Variants in SYNPR observed in about 807,000 individuals in gnomAD.
SYNPR encodes the protein synaptoporin.
A neutral mutation model predicts 32.9 loss-of-function variants in SYNPR; 23 were observed. That is an observed-to-expected ratio of 0.70 (90% confidence interval 0.50 to 0.99). The LOEUF is 0.99. Among genes scored for constraint, SYNPR ranks in the 50% least tolerant of loss-of-function variants. The probability of loss-of-function intolerance (pLI) is 0.00; values close to 1 mark genes in which losing one functional copy is unlikely to be tolerated. For missense variants in SYNPR, 318 were observed against 349.3 expected (o/e 0.91, Z 0.71); for synonymous variants, 146 against 135.9 (o/e 1.07, Z -0.52).
chr3:63,365,692 G>T (rs2087720892), intron 2 of SYNPR, among the ~76,000 whole-genome samples: 2 of 152,158 alleles, frequency 1.3e-5, no homozygotes, highest in African/African-American at 2.4e-5. Context: ...TTGAGGAAAA[G>T]AATGTTATCC....
chr3:63,579,921 G>C (rs75076044), intron 4 of SYNPR, among the ~76,000 whole-genome samples: 4 of 151,034 alleles, frequency 2.6e-5, no homozygotes, highest in African/African-American at 9.8e-5. Context: ...GGGGCAAAAT[G>C]GGGGGAGGAC....
chr3:63,492,638 G>A (rs928224105), intron 3 of SYNPR, among the ~76,000 whole-genome samples: 2 of 152,122 alleles, frequency 1.3e-5, no homozygotes, highest in Non-Finnish European at 2.9e-5. Context: ...AGCTCCCATA[G>A]GGAAGTGACA....
intron 3 of SYNPR, among the ~76,000 whole-genome samples, chr3:63,512,889 T>A (rs1701724210): frequency 6.6e-6 from 1 of 152,164 alleles, no homozygotes; most frequent in Non-Finnish European, 1.5e-5. Context: ...AGGCAAAGAA[T>A]TGTTCTCTTG....
intron 3 of SYNPR, among the ~76,000 whole-genome samples, chr3:63,270,965 CCTT>C (rs1481665063): frequency 0.011 from 251 of 23,346 alleles, 4 homozygotes; most frequent in Middle Eastern, 0.1. Context: ...TTCCTTCCTT[CCTT>C]CTTTTCTTCC....
intron 2 of SYNPR, among the ~76,000 whole-genome samples, chr3:63,387,147 G>A (rs2088056704): frequency 1.3e-5 from 2 of 152,280 alleles, no homozygotes; most frequent in African/African-American, 4.8e-5. Context: ...GATCTAGCTT[G>A]ATCGCCACAA....
the SYNPR span, among the ~76,000 whole-genome samples, chr3:63,211,683 G>C: frequency 2.0e-5 from 3 of 149,476 alleles, no homozygotes; most frequent in Admixed American, 6.8e-5. Context: ...GAGAAATCAG[G>C]TTTTAAGAAG....
At chr3:63,305,882 G>C (rs1261439073) in intron 2 of SYNPR, among the ~76,000 whole-genome samples, 1 of 151,874 alleles carries the variant, frequency 6.6e-6, no homozygotes, top group Non-Finnish European at 1.5e-5. Context: ...AAATCCCTCA[G>C]TCCTGGAAAA....
intron 2 of SYNPR, among the ~76,000 whole-genome samples, chr3:63,327,152 G>A (rs890089602): frequency 1.3e-5 from 2 of 152,062 alleles, no homozygotes. Context: ...TGAAGGAAGT[G>A]TAAAGTAGAA....
chr3:63,466,373 G>A (rs1407993538), intron 2 of SYNPR, among the ~76,000 whole-genome samples: 1 of 151,826 alleles, frequency 6.6e-6, no homozygotes, highest in Non-Finnish European at 1.5e-5. Context: ...TTCTTGCGGT[G>A]TCATTTCACA....
At chr3:63,415,439 T>C in intron 2 of SYNPR, among the ~76,000 whole-genome samples, 1 of 152,122 alleles carries the variant, frequency 6.6e-6, no homozygotes, top group East Asian at 1.9e-4. Context: ...TTTACGTTTT[T>C]AAAGGTTATT....
intron 2 of SYNPR, among the ~76,000 whole-genome samples, chr3:63,313,053 A>G (rs2086984658): frequency 6.6e-6 from 1 of 151,956 alleles, no homozygotes; most frequent in Admixed American, 6.6e-5. Flanking sequence ...ACAAACAGCA[A>G]CTTCATAAGG....
rs989805503 is a variant in SYNPR, at chr3:63,331,591, G to A, written c.84+52849G>A. 3.3e-5 allele frequency among the ~76,000 whole-genome samples: 5 copies of A among 151,922 alleles called. No homozygotes were observed. In the South Asian group the frequency reaches 1.0e-3, roughly 32 times the overall value. ...TCATTCCACCAAGACCACTCTGAAAGGCCAGTAGTCTAGAAGGGGCTTGGG... is the reference window on the plus strand; with the variant it reads ...TCATTCCACCAAGACCACTCTGAAAAGCCAGTAGTCTAGAAGGGGCTTGGG... On this transcript the variant is annotated intron_variant, in intron 2 of 5. Coordinates refer to ENST00000478300, the MANE Select transcript of SYNPR (RefSeq NM_001130003.2).
Position 63,527,544 on chromosome 3 carries a change from A to C in SYNPR, c.210-28999A>C, listed in dbSNP as rs377688071. Among the ~76,000 whole-genome samples, 3 of 152,334 alleles carry C rather than the reference A, an allele frequency of 2.0e-5. No homozygotes were observed. The East Asian group carries it at 5.8e-4, about 29-fold the overall frequency. ...CAGAATCCTGAGCACCTCTGCAGAC[A>C]GAGGGCTGCCCTCCATCAGCACCAG... On this transcript the variant is annotated intron_variant, in intron 3 of 5. Coordinates refer to ENST00000478300, the MANE Select transcript of SYNPR (RefSeq NM_001130003.2).
chr3:63,209,492 A>G, the SYNPR span, among the ~76,000 whole-genome samples: 1 of 152,198 alleles, frequency 6.6e-6, no homozygotes, highest in South Asian at 2.1e-4. Context: ...TAATTTAAAC[A>G]ACAAAGTACA....
intron 2 of SYNPR, among the ~76,000 whole-genome samples, chr3:63,306,878 A>C (rs982693040): frequency 6.6e-6 from 1 of 151,896 alleles, no homozygotes; most frequent in Non-Finnish European, 1.5e-5. Flanking sequence ...TTTTTTTTCA[A>C]CTGTCATCTT....
intron 2 of SYNPR, among the ~76,000 whole-genome samples, chr3:63,290,536 T>C (rs2086728535): frequency 6.6e-6 from 1 of 150,570 alleles, no homozygotes; most frequent in African/African-American, 2.5e-5. Flanking sequence ...CTCCCACTCC[T>C]TGAGAAAATT....
intron 2 of SYNPR, among the ~76,000 whole-genome samples, chr3:63,374,543 T>G (rs1298265596): frequency 6.6e-6 from 1 of 152,092 alleles, no homozygotes; most frequent in Non-Finnish European, 1.5e-5. Context: ...GACACACAGT[T>G]TACCTATATA....
intron 1 of SYNPR, among the ~76,000 whole-genome samples, chr3:63,249,227 A>G (rs189412357): frequency 1.3e-5 from 2 of 152,294 alleles, no homozygotes; most frequent in Admixed American, 1.3e-4. Context: ...ATGGAAAATC[A>G]GAAAACCAAG....
intron 3 of SYNPR, among the ~76,000 whole-genome samples, chr3:63,546,819 T>C (rs1191630717): frequency 1.3e-5 from 2 of 152,148 alleles, no homozygotes; most frequent in Admixed American, 6.6e-5. Context: ...AGTATAGCAC[T>C]TTGTCTTTCA....
Sources: gnomAD v4.1 joint callset for allele counts (sites outside exome capture counted in the v4.1 genomes callset) on GRCh38, gnomAD v4.1.1 for gene constraint, MANE v1.5 for transcripts, NCBI Gene and HGNC (gene_info 2026-07-23, HGNC 2026-07-21) for gene names.